The following ZNF611 variants were observed in gnomAD, a reference collection of about 807,000 sequenced individuals.
ZNF611 encodes zinc finger protein 611.
A neutral mutation model predicts 8.9 loss-of-function variants in ZNF611; 6 were observed. The observed-to-expected ratio is 0.68, with a 90% CI of 0.37 to 1.34. The LOEUF (loss-of-function observed/expected upper bound fraction) is 1.34, where lower values mean the gene tolerates loss of function less well. ZNF611 is among the 40% of genes most tolerant of loss of function. The probability of loss-of-function intolerance (pLI) is 0.02; values close to 1 mark genes in which losing one functional copy is unlikely to be tolerated. For missense variants in ZNF611, 874 were observed against 841.3 expected (o/e 1.04, Z -0.48); for synonymous variants, 262 against 279.7 (o/e 0.94, Z 0.63).
chr19:52,731,797 C>T (rs1293198705), intron 1 of ZNF611, among the ~76,000 whole-genome samples: 1 of 151,476 alleles, frequency 6.6e-6, no homozygotes, highest in African/African-American at 2.4e-5. Context: ...CATGAAGAAA[C>T]CCTGTCTCTA....
intron 3 of ZNF611, among the ~76,000 whole-genome samples, chr19:52,719,510 T>A (rs1242329459): frequency 1.3e-5 from 2 of 152,200 alleles, no homozygotes; most frequent in African/African-American, 4.8e-5. Flanking sequence ...ACTCTCATTC[T>A]CATCTGTATA....
At chr19:52,716,085 A>G (rs1466855432) in intron 3 of ZNF611, 172 bp from the exon 4 acceptor site, 4 of 701,034 alleles carry the variant, frequency 5.7e-6, no homozygotes, top group Admixed American at 3.0e-5. Context: ...ATGAGTGTAT[A>G]TTTGACCCCA....
At position 52,706,664 on chromosome 19, in the gene ZNF611, T is replaced by G. The variant is rs1328345325; in HGVS notation, c.391A>C (p.Lys131Gln). The change falls in exon 6 of 6, where the codon AAA (lysine) becomes CAA (glutamine). Residue 131 changes from lysine (K) to glutamine (Q), a missense_variant. By Grantham distance (53) the Lys-to-Gln change is moderately conservative (BLOSUM62 1). Coordinates refer to ENST00000652185, the MANE Select transcript of ZNF611 (RefSeq NM_001161499.2). ...ERNGLEAPMT[K>Q]IKKLTGSTDQ... ...GTGCTACCAGTCAACTTTTTTATTTTTGTCATGGGTGCTTCAAGGCCATTT... is the reference window on the plus strand; with the variant it reads ...GTGCTACCAGTCAACTTTTTTATTTGTGTCATGGGTGCTTCAAGGCCATTT... The G allele has an allele frequency of 1.2e-6, 2 of 1,613,816 alleles. No individual in the cohort carries two copies. The highest frequency in any genetic ancestry group is 2.7e-5 in the African/African-American group (2 of 74,978).
At chr19:52,713,336 A>C (rs547212752) in intron 5 of ZNF611, among the ~76,000 whole-genome samples, 2 of 152,298 alleles carry the variant, frequency 1.3e-5, no homozygotes, top group South Asian at 2.1e-4. Flanking sequence ...TGAAAACCAT[A>C]TCTCTTACAG....
In ZNF611 at chr19:52,715,882, C is replaced by T. The variant is rs371514683; in HGVS notation, c.13G>A (p.Glu5Lys). 33 of 1,613,328 alleles carry T rather than the reference C, an allele frequency of 2.0e-5. No individual in the cohort carries two copies. Among genetic ancestry groups the T allele is most frequent in the Non-Finnish European group, 2.6e-5 (31 of 1,179,814 alleles). The change falls in exon 4 of 6, where the codon GAA (glutamate) becomes AAA (lysine). Residue 5 changes from glutamate (E) to lysine (K), a missense_variant. Glu to Lys is a moderately conservative substitution (Grantham distance 56). Coordinates refer to ENST00000652185, the MANE Select transcript of ZNF611 (RefSeq NM_001161499.2). MLRE[E>K]AAQKRKGKEP... is the part of the protein sequence containing the mutation. ...TTTCCTTTCCTCTTCTGAGCTGCTT[C>T]CTCACGTAACATGAGTCTTTAGGAA...
At chr19:52,734,544 G>GA (rs1018778938) in intron 1 of ZNF611, among the ~76,000 whole-genome samples, 1 of 54,120 alleles carries the variant, frequency 1.8e-5, no homozygotes, top group Admixed American at 1.6e-4. Flanking sequence ...GGCGGGGGGG[G>GA]GGGGCGCGAC....
chr19:52,721,207 G>A (rs558919293), intron 3 of ZNF611: 6 of 156,806 alleles, frequency 3.8e-5, no homozygotes, highest in South Asian at 2.0e-4. Context: ...CTGGGCAGCC[G>A]GGCAGAGAGG....
intron 3 of ZNF611, among the ~76,000 whole-genome samples, chr19:52,718,173 C>G (rs2062330482): frequency 6.6e-6 from 1 of 152,014 alleles, no homozygotes; most frequent in Non-Finnish European, 1.5e-5. Context: ...AACCATGTCT[C>G]TACTAAAAAT....
chr19:52,726,137 A>G (rs541981200), intron 3 of ZNF611, among the ~76,000 whole-genome samples: 62 of 152,248 alleles, frequency 4.1e-4, no homozygotes, highest in African/African-American at 1.2e-3. Flanking sequence ...CAGGAGGGAG[A>G]GTCCACCCTG....
chr19:52,729,484 C>T (rs2062411363), intron 2 of ZNF611, among the ~76,000 whole-genome samples: 1 of 55,908 alleles, frequency 1.8e-5, no homozygotes, highest in South Asian at 6.3e-4. Flanking sequence ...CAGAGCGAGA[C>T]TCCATCTCAA....
rs2062236244 is a variant in ZNF611, at chr19:52,705,646, G to A, written c.1409C>T (p.Ala470Val). The A allele has an allele frequency of 6.2e-6, 10 of 1,613,522 alleles. No homozygotes were observed. The highest frequency in any genetic ancestry group is 8.5e-6 in the Non-Finnish European group (10 of 1,179,790). ...DKAFVWSSQL[A>V]KHTRIDCGEK... Reference sequence around the variant, plus strand: ...TCCACAGTCAATTCTAGTATGTTTTGCCAGTTGTGAACTCCACACAAAAGC... The same window carrying A: ...TCCACAGTCAATTCTAGTATGTTTTACCAGTTGTGAACTCCACACAAAAGC... The change falls in exon 6 of 6, where the codon GCA becomes GTA. Residue 470 changes from alanine (A) to valine (V), a missense_variant. Coordinates refer to ENST00000652185, the MANE Select transcript of ZNF611 (RefSeq NM_001161499.2).
intron 1 of ZNF611, among the ~76,000 whole-genome samples, chr19:52,730,892 T>C (rs1201978827): frequency 6.6e-6 from 1 of 152,130 alleles, no homozygotes; most frequent in African/African-American, 2.4e-5. Flanking sequence ...CCAAGACTAC[T>C]GCTTTTATAA....
Position 52,730,001 on chromosome 19 carries a change from G to C in ZNF611, c.-217C>G, listed in dbSNP as rs969936470. On this transcript the variant is annotated 5_prime_UTR_variant, in exon 2 of 6. Coordinates refer to ENST00000652185, the MANE Select transcript of ZNF611 (RefSeq NM_001161499.2). ...TATATGCATTGTCCTTCGTTATCTA[G>C]TCAACTGTGCAAAAAATATAGAAAG... 2 of 152,114 alleles carry C rather than the reference G, an allele frequency of 1.3e-5. No individual in the cohort carries two copies. The highest frequency in any genetic ancestry group is 1.3e-4 in the Admixed American group (2 of 15,248). The allele number at this position is 152,114 out of a possible 1,614,324, so 9.4% of individuals were successfully genotyped here.
chr19:52,721,284 C>T, intron 3 of ZNF611: 1 of 168,588 alleles, frequency 5.9e-6, no homozygotes, highest in Non-Finnish European at 1.3e-5. Context: ...GGGGTGGTGG[C>T]CGGGCAGAGG....
chr19:52,713,759 C>T (rs2062295804), intron 5 of ZNF611, among the ~76,000 whole-genome samples: 1 of 151,908 alleles, frequency 6.6e-6, no homozygotes, highest in Non-Finnish European at 1.5e-5. Context: ...GGTGTGGTCT[C>T]GCATGCCTAT....
chr19:52,711,634 G>A (rs2062280786), intron 5 of ZNF611, among the ~76,000 whole-genome samples: 1 of 152,184 alleles, frequency 6.6e-6, no homozygotes, highest in Non-Finnish European at 1.5e-5. Flanking sequence ...GCTGAGCTGC[G>A]CTGCTGACAG....
chr19:52,733,379 C>T (rs866661762), intron 1 of ZNF611, among the ~76,000 whole-genome samples: 4 of 152,168 alleles, frequency 2.6e-5, no homozygotes, highest in Admixed American at 1.3e-4. Context: ...CAGCTCACTG[C>T]AGCCTGGACC....
At chr19:52,729,228 A>G (rs1886449478) in intron 2 of ZNF611, among the ~76,000 whole-genome samples, 1 of 152,212 alleles carries the variant, frequency 6.6e-6, no homozygotes, top group Non-Finnish European at 1.5e-5. Flanking sequence ...GGACCACAAA[A>G]TATACTATAC....
At chr19:52,731,075 G>A (rs972151511) in intron 1 of ZNF611, among the ~76,000 whole-genome samples, 4 of 150,992 alleles carry the variant, frequency 2.6e-5, no homozygotes, top group African/African-American at 9.7e-5. Flanking sequence ...TTTTTTGGGG[G>A]TGGGGGAGAC....
Sources: gnomAD v4.1 joint callset for allele counts (sites outside exome capture counted in the v4.1 genomes callset) on GRCh38, gnomAD v4.1.1 for gene constraint, MANE v1.5 for transcripts, NCBI Gene and HGNC (gene_info 2026-07-23, HGNC 2026-07-21) for gene names.